The following THSD7B variants were observed in gnomAD, a reference collection of about 807,000 sequenced individuals.
THSD7B encodes the protein thrombospondin type 1 domain containing 7B.
THSD7B carries 138 observed loss-of-function variants against 213.6 expected under a neutral mutation model. That is an observed-to-expected ratio of 0.65 (90% confidence interval 0.56 to 0.74). The LOEUF is 0.74. THSD7B is among the 30% of genes least tolerant of loss of function. The probability of loss-of-function intolerance (pLI) is 0.00; values close to 1 mark genes in which losing one functional copy is unlikely to be tolerated. For synonymous variants in THSD7B, 742 were observed against 687.0 expected (o/e 1.08, Z -1.25); for missense variants, 1,931 against 1,991.5 (o/e 0.97, Z 0.58).
At chr2:137,639,359 C>A (rs1682894770) in intron 20 of THSD7B, among the ~76,000 whole-genome samples, 1 of 152,174 alleles carries the variant, frequency 6.6e-6, no homozygotes, top group South Asian at 2.1e-4. Context: ...GGAACCTCTG[C>A]CTGTATTTCA....
intron 15 of THSD7B, among the ~76,000 whole-genome samples, chr2:137,505,652 A>C (rs1679817498): frequency 1.3e-5 from 2 of 152,204 alleles, no homozygotes; most frequent in South Asian, 4.1e-4. Flanking sequence ...CAGTGTTTTA[A>C]AATAAAGTAG....
intron 2 of THSD7B, among the ~76,000 whole-genome samples, chr2:136,901,091 T>A (rs1273824187): frequency 7.2e-5 from 11 of 151,808 alleles, no homozygotes; most frequent in Admixed American, 7.2e-4. Flanking sequence ...TTTTTTTTTA[T>A]TGTTTTAATA....
In THSD7B at chr2:137,677,285, A is replaced by T. The variant is rs1203296786; in HGVS notation, c.*680A>T. On this transcript the variant is annotated 3_prime_UTR_variant, in exon 28 of 28. Coordinates refer to ENST00000409968, the MANE Select transcript of THSD7B (RefSeq NM_001316349.2). ...TGAAAGCTAGGTCATTTCTGAAGGG[A>T]ATGTGTACTGAATGTTAGAGTGTAC... The T allele has an allele frequency of 6.6e-6, 1 of 152,592 alleles. No homozygotes were observed. Among genetic ancestry groups the T allele is most frequent in the Non-Finnish European group, 1.5e-5 (1 of 68,048 alleles). The allele number at this position is 152,592 out of a possible 1,614,324, so 9.5% of individuals were successfully genotyped here.
chr2:136,906,006 C>T (rs1230102738), intron 2 of THSD7B, among the ~76,000 whole-genome samples: 2 of 152,188 alleles, frequency 1.3e-5, no homozygotes, highest in African/African-American at 4.8e-5. Context: ...ACAGGTTTCC[C>T]CTCAATAGTG....
At chr2:136,908,381 A>G (rs562216267) in intron 2 of THSD7B, among the ~76,000 whole-genome samples, 40 of 152,350 alleles carry the variant, frequency 2.6e-4, no homozygotes, top group Non-Finnish European at 4.7e-4. Context: ...TCATCCATAT[A>G]TTACATCTGA....
chr2:136,830,123 C>G (rs1377382269), intron 1 of THSD7B, among the ~76,000 whole-genome samples: 1 of 151,338 alleles, frequency 6.6e-6, no homozygotes, highest in Non-Finnish European at 1.5e-5. Context: ...TGCCTGTGCG[C>G]GCACACACAC....
intron 12 of THSD7B, among the ~76,000 whole-genome samples, chr2:137,316,755 C>G (rs1159599879): frequency 1.5e-5 from 1 of 68,492 alleles, no homozygotes; most frequent in African/African-American, 5.4e-5. Flanking sequence ...GAGACTCTGT[C>G]TCAAAAAAAA....
chr2:137,547,719 G>C (rs1680768836), intron 15 of THSD7B, among the ~76,000 whole-genome samples: 1 of 151,804 alleles, frequency 6.6e-6, no homozygotes, highest in Non-Finnish European at 1.5e-5. Flanking sequence ...TAGAATAAAG[G>C]CTGTTTTTGA....
intron 4 of THSD7B, among the ~76,000 whole-genome samples, chr2:137,113,599 G>A (rs1050776931): frequency 6.6e-6 from 1 of 152,058 alleles, no homozygotes; most frequent in Non-Finnish European, 1.5e-5. Context: ...ACCACATCCG[G>A]CTAATTTGGG....
intron 5 of THSD7B, among the ~76,000 whole-genome samples, chr2:137,136,669 A>T (rs1468118460): frequency 6.6e-6 from 1 of 152,162 alleles, no homozygotes; most frequent in Non-Finnish European, 1.5e-5. Flanking sequence ...GCTCTTTTTA[A>T]ATTTTAGGCT....
At chr2:137,501,701 A>G (rs951079427) in intron 15 of THSD7B, among the ~76,000 whole-genome samples, 1 of 152,224 alleles carries the variant, frequency 6.6e-6, no homozygotes, top group Non-Finnish European at 1.5e-5. Flanking sequence ...AAACCACTTG[A>G]GTAATTTGCA....
intron 12 of THSD7B, among the ~76,000 whole-genome samples, chr2:137,369,799 A>T (rs1685503460): frequency 1.3e-5 from 2 of 152,306 alleles, no homozygotes; most frequent in South Asian, 4.1e-4. Flanking sequence ...GGTTAAAAAT[A>T]AATTACATTG....
chr2:137,620,780 C>T, intron 20 of THSD7B, 54 bp downstream of exon 20: 4 of 1,428,480 alleles, frequency 2.8e-6, no homozygotes, highest in Non-Finnish European at 3.9e-6. Flanking sequence ...AAATATCATT[C>T]AGTATGCCAT....
intron 2 of THSD7B, among the ~76,000 whole-genome samples, chr2:136,981,912 A>G (rs1685583537): frequency 6.6e-6 from 1 of 152,192 alleles, no homozygotes; most frequent in African/African-American, 2.4e-5. Context: ...GCACGTGTCC[A>G]GTGTCAGTCG....
intron 20 of THSD7B, among the ~76,000 whole-genome samples, chr2:137,622,656 G>A (rs929964075): frequency 9.9e-5 from 15 of 152,110 alleles, no homozygotes; most frequent in Admixed American, 2.6e-4. Context: ...TATCACCACC[G>A]ATCCCACAGA....
chr2:137,561,441 C>T (rs1467224454), intron 15 of THSD7B, among the ~76,000 whole-genome samples: 1 of 152,184 alleles, frequency 6.6e-6, no homozygotes, highest in Non-Finnish European at 1.5e-5. Context: ...GGATAAATTA[C>T]TTTTCAAATT....
At chr2:137,301,757 G>T (rs1683607379) in intron 12 of THSD7B, among the ~76,000 whole-genome samples, 1 of 152,064 alleles carries the variant, frequency 6.6e-6, no homozygotes, top group Admixed American at 6.6e-5. Flanking sequence ...ATGCATTTAA[G>T]GAATAGCAAA....
intron 17 of THSD7B, among the ~76,000 whole-genome samples, chr2:137,578,804 T>C (rs1487370779): frequency 6.6e-6 from 1 of 152,172 alleles, no homozygotes; most frequent in Non-Finnish European, 1.5e-5. Context: ...AACATTTTAT[T>C]TCATGAGCTC....
At chr2:137,618,328 C>A (rs73961010) in intron 18 of THSD7B, 64 bp from the exon 19 acceptor site, 154,917 of 1,243,074 alleles carry the variant, frequency 0.12, 10,489 homozygotes, top group South Asian at 0.21. Flanking sequence ...AATCAAAGGT[C>A]TGTTGTATTT....
Sources: allele counts gnomAD v4.1 joint callset (sites outside exome capture counted in the v4.1 genomes callset), GRCh38; gene constraint gnomAD v4.1.1; transcripts MANE v1.5; gene names NCBI Gene and HGNC (gene_info 2026-07-23, HGNC 2026-07-21).